The following ZNF469 variants were observed in gnomAD, a reference collection of about 807,000 sequenced individuals.
ZNF469 encodes the protein zinc finger protein 469.
ZNF469 carries 1 observed loss-of-function variant against 1.0 expected under a neutral mutation model. The ratio of observed to expected loss-of-function variants is 1.00; its 90% CI spans 0.35 to 4.73. ZNF469 has a LOEUF of 4.73. Ranked by LOEUF, ZNF469 falls within the 30% of genes most tolerant of loss-of-function variation. ZNF469 has a pLI of 0.16. For synonymous variants in ZNF469, 2,703 were observed against 2,363.4 expected, an observed-to-expected ratio of 1.14 and a Z score of -4.17; for missense variants, 6,100 against 5,356.3, an observed-to-expected ratio of 1.14 and a Z score of -4.33.
the ZNF469 span, among the ~76,000 whole-genome samples, chr16:88,136,108 C>A: frequency 6.6e-6 from 1 of 152,142 alleles, no homozygotes; most frequent in Non-Finnish European, 1.5e-5. Flanking sequence ...CCCCAGTTGT[C>A]CACGTCCTAG....
chr16:88,438,139 C>G lies in ZNF469; in HGVS notation c.10669C>G (p.Pro3557Ala). Residue 3557 changes from proline to alanine, a missense_variant, in exon 3 of 3, where the codon CCC becomes GCC. Pro to Ala is a conservative substitution (Grantham distance 27). Coordinates refer to ENST00000565624, the MANE Select transcript of ZNF469 (RefSeq NM_001367624.2). Reference sequence around the variant, plus strand: ...GGAGTGTCCCCCGCCGTCTCTGTCTCCCTTCCCAGCTGCCTTGGCTGATGG... The same window carrying G: ...GGAGTGTCCCCCGCCGTCTCTGTCTGCCTTCCCAGCTGCCTTGGCTGATGG... ...HQECPPPSLS[P>A]FPAALADGRG... The G allele has an allele frequency of 6.5e-7, 1 of 1,550,376 alleles. No homozygotes were observed. The highest frequency in any genetic ancestry group is 8.7e-7 in the Non-Finnish European group (1 of 1,146,954).
chr16:88,229,579 T>TGTGGATGTCACGCGTGTG, the ZNF469 span, among the ~76,000 whole-genome samples: 1 of 59,812 alleles, frequency 1.7e-5, no homozygotes, highest in Non-Finnish European at 4.4e-5. Context: ...GCTTGTGCGC[T>TGTGGATGTCACGCGTGTG]GATGTCACGC....
At chr16:88,189,587 C>T in the ZNF469 span, among the ~76,000 whole-genome samples, 1 of 152,190 alleles carries the variant, frequency 6.6e-6, no homozygotes, top group Non-Finnish European at 1.5e-5. The surrounding 1 kb of genome is among the most constrained non-coding windows in gnomAD (Gnocchi z 4.3). Flanking sequence ...GGGAAACGCT[C>T]CTATGGGGGA....
At chr16:88,274,857 C>T in the ZNF469 span, among the ~76,000 whole-genome samples, 1 of 152,246 alleles carries the variant, frequency 6.6e-6, no homozygotes, top group African/African-American at 2.4e-5. Flanking sequence ...ACATGGTTCG[C>T]AGACGGACAC....
At chr16:88,380,796 TCACACATGCACA>T (rs1390895950), upstream of ZNF469, among the ~76,000 whole-genome samples, 8 of 59,426 alleles carry the variant, frequency 1.3e-4, no homozygotes, top group Non-Finnish European at 2.1e-4. Flanking sequence ...ACACATGCAC[TCACACATGCACA>T]CACACCCAGA....
At chr16:88,404,251 C>T (rs1482574390) in intron 1 of ZNF469, among the ~76,000 whole-genome samples, 1 of 152,224 alleles carries the variant, frequency 6.6e-6, no homozygotes, top group Non-Finnish European at 1.5e-5. Context: ...TGCCCCCATG[C>T]TTATTCTTGC....
the ZNF469 span, among the ~76,000 whole-genome samples, chr16:88,122,909 C>G: frequency 6.6e-6 from 1 of 151,884 alleles, no homozygotes; most frequent in South Asian, 2.1e-4. Context: ...GTGGTGCAAT[C>G]ATAGCTTACT....
the ZNF469 span, among the ~76,000 whole-genome samples, chr16:88,252,697 T>C: frequency 1.4e-4 from 22 of 152,328 alleles, no homozygotes; most frequent in Non-Finnish European, 3.1e-4. Context: ...TATACACGCA[T>C]GTGTATGTGT....
chr16:88,280,071 C>T, the ZNF469 span, among the ~76,000 whole-genome samples: 36,517 of 144,654 alleles, frequency 0.25, 5,174 homozygotes, highest in East Asian at 0.44. Context: ...TGCATCACGC[C>T]GACACTCAGT....
At chr16:88,330,867 C>T in the ZNF469 span, among the ~76,000 whole-genome samples, 21 of 152,208 alleles carry the variant, frequency 1.4e-4, no homozygotes, top group African/African-American at 4.3e-4. Context: ...ATTCCCTGTG[C>T]AGCAAATGGT....
chr16:88,380,466 C>CCT (rs2092518778), upstream of ZNF469, among the ~76,000 whole-genome samples: 1 of 141,596 alleles, frequency 7.1e-6, no homozygotes. Flanking sequence ...TGCACACACA[C>CCT]ATGCACTCAC....
At chr16:88,378,643 C>T (rs2092514628), upstream of ZNF469, among the ~76,000 whole-genome samples, 1 of 152,194 alleles carries the variant, frequency 6.6e-6, no homozygotes, top group African/African-American at 2.4e-5. Context: ...GCCCCCAAAG[C>T]TGCTCTCCCT....
chr16:88,427,927 C>G lies in ZNF469; in HGVS notation c.457C>G (p.Pro153Ala), dbSNP rs532620482. The stretch of plus-strand genomic sequence containing the variant: ...TGCCCAGCTCCCTGAGGTGGACACC[C>G]CCCAGGGCCCTGGGACTGGAGCTCC... Reference protein sequence around the residue: ...EAAQLPEVDTPQGPGTGAPLR... With the variant: ...EAAQLPEVDTAQGPGTGAPLR... The change falls in exon 3 of 3, where the codon CCC (proline) becomes GCC (alanine). Residue 153 changes from proline to alanine, a missense_variant. Transcript: ENST00000565624. 5.3e-4 allele frequency: 820 copies of G among 1,549,988 alleles called. 6 individuals carry two copies. In the African/African-American group the frequency reaches 9.7e-3, roughly 18 times the overall value.
the ZNF469 span, among the ~76,000 whole-genome samples, chr16:88,213,200 G>A: frequency 2.6e-5 from 4 of 152,036 alleles, no homozygotes; most frequent in African/African-American, 7.2e-5. Context: ...CCTGGTTCAC[G>A]CCACTCTCCT....
the ZNF469 span, among the ~76,000 whole-genome samples, chr16:88,174,362 A>C: frequency 6.6e-6 from 1 of 152,228 alleles, no homozygotes; most frequent in Non-Finnish European, 1.5e-5. Flanking sequence ...ACTTGATAGA[A>C]CTGAACAGAA....
chr16:88,158,787 G>A, the ZNF469 span, among the ~76,000 whole-genome samples: 3 of 152,344 alleles, frequency 2.0e-5, no homozygotes, highest in African/African-American at 7.2e-5. Context: ...TCAGAGTGCA[G>A]ACAGGACTGG....
the ZNF469 span, among the ~76,000 whole-genome samples, chr16:88,360,584 A>T: frequency 1.0e-5 from 1 of 96,956 alleles, no homozygotes. Context: ...GCTCCCTCGA[A>T]GGCAGTCCAC....
chr16:88,298,717 C>G, the ZNF469 span, among the ~76,000 whole-genome samples: 1 of 152,196 alleles, frequency 6.6e-6, no homozygotes, highest in Non-Finnish European at 1.5e-5. Flanking sequence ...CCTCTCCCCA[C>G]TCCTCACTGG....
At chr16:88,143,420 G>T in the ZNF469 span, among the ~76,000 whole-genome samples, 1 of 152,198 alleles carries the variant, frequency 6.6e-6, no homozygotes, top group Non-Finnish European at 1.5e-5. Flanking sequence ...GTGGGGCACC[G>T]AGGCTGTGTT....
Sources: gnomAD v4.1 joint callset for allele counts (sites outside exome capture counted in the v4.1 genomes callset) on GRCh38, gnomAD v4.1.1 for gene constraint, Gnocchi (gnomAD v3.1) non-coding constraint, MANE v1.5 for transcripts, NCBI Gene and HGNC (gene_info 2026-07-23, HGNC 2026-07-21) for gene names.